SPIC: variants seen among roughly 807,000 people sequenced by gnomAD.
The protein encoded by SPIC is transcription factor Spi-C.
SPIC carries 9 observed loss-of-function variants against 16.7 expected under a neutral mutation model. The observed-to-expected ratio is 0.54, with a 90% CI of 0.33 to 0.94. SPIC has a LOEUF of 0.94. SPIC is among the 40% of genes least tolerant of loss of function. The pLI, the probability that SPIC is intolerant of heterozygous loss-of-function variation, is 0.03. For synonymous variants in SPIC, 97 were observed against 102.9 expected (o/e 0.94, Z 0.35); for missense variants, 241 against 285.8 (o/e 0.84, Z 1.13).
intron 5 of SPIC, among the ~76,000 whole-genome samples, chr12:101,485,570 T>C (rs1318003642): frequency 6.6e-6 from 1 of 152,228 alleles, no homozygotes; most frequent in African/African-American, 2.4e-5. Context: ...AACCCAGAGT[T>C]AGCACTTTTA....
chr12:101,479,282 GAAAAA>G (rs1873096271), intron 3 of SPIC, among the ~76,000 whole-genome samples: 7 of 50,950 alleles, frequency 1.4e-4, no homozygotes, highest in South Asian at 6.8e-4. Flanking sequence ...AAGAAAGAAA[GAAAAA>G]GAAAGAAAGA....
chr12:101,480,259 GGTGT>G (rs1187671520), intron 4 of SPIC, among the ~76,000 whole-genome samples: 2 of 152,206 alleles, frequency 1.3e-5, no homozygotes, highest in Non-Finnish European at 2.9e-5. Context: ...GTAAAAAGGA[GGTGT>G]TTTCAGGATG....
Position 101,479,670 on chromosome 12 carries a change from T to G in SPIC, c.186T>G (p.Pro62=). 2 of 1,613,380 alleles carry G rather than the reference T, an allele frequency of 1.2e-6. No homozygotes were observed. The highest frequency in any genetic ancestry group is 1.7e-6 in the Non-Finnish European group (2 of 1,179,430). ...SCYGVLPTEE[P]VYNWRTVINS... The stretch of plus-strand genomic sequence containing the variant: ...ATGGAGTGTTGCCTACAGAGGAGCC[T>G]GTCTATAATTGGAGAACGGTAATTG... Residue 62 remains proline (P), a synonymous_variant, in exon 4 of 6, where the codon CCT becomes CCG. Coordinates refer to ENST00000551346, the MANE Select transcript of SPIC (RefSeq NM_152323.3).
chr12:101,479,306 AAAAAGAAAGAAAG>A (rs1565831343), intron 3 of SPIC, among the ~76,000 whole-genome samples: 4,310 of 38,356 alleles, frequency 0.11, 249 homozygotes, highest in African/African-American at 0.21. Flanking sequence ...GAAAGAAAGA[AAAAAGAAAGAAAG>A]AAAGAAAGAA....
intron 3 of SPIC, among the ~76,000 whole-genome samples, chr12:101,478,563 A>G (rs10860740): frequency 1.3e-5 from 2 of 151,958 alleles, no homozygotes; most frequent in Admixed American, 6.5e-5. Context: ...GACATTCCAC[A>G]CAGAAATACA....
At chr12:101,482,136 G>T (rs1162041397) in intron 4 of SPIC, among the ~76,000 whole-genome samples, 2 of 150,954 alleles carry the variant, frequency 1.3e-5, no homozygotes, top group African/African-American at 4.9e-5. Flanking sequence ...GGAGGCTGAG[G>T]CAGGAGAATC....
intron 2 of SPIC, 73 bp from the exon 3 acceptor site, chr12:101,477,485 A>G: frequency 7.3e-7 from 1 of 1,377,924 alleles, no homozygotes; most frequent in Non-Finnish European, 1.0e-6. Flanking sequence ...TAGACTAAAT[A>G]CTATTTTAAA....
At position 101,475,546 on chromosome 12, in the gene SPIC, G is replaced by A. The variant is rs139275704; in HGVS notation, c.-78+44G>A. 2.4e-4 allele frequency: 37 copies of A among 152,106 alleles called. No individual in the cohort carries two copies. The East Asian group carries it at 7.0e-3, about 29-fold the overall frequency. 9.4% of individuals were successfully genotyped at this position (152,106 alleles called of 1,614,324 possible). Reference sequence around the variant, plus strand: ...TTTTTCTAAATATCTTCTAATCACTGTTCATTTTTTCCTTTGGCCTAATGA... The same window carrying A: ...TTTTTCTAAATATCTTCTAATCACTATTCATTTTTTCCTTTGGCCTAATGA... On this transcript the variant is annotated intron_variant, in intron 1 of 5. Coordinates refer to ENST00000551346, the MANE Select transcript of SPIC (RefSeq NM_152323.3).
rs1353017349 is a variant in SPIC, at chr12:101,475,388, T to C, written c.-192T>C. ...TTTAAAAAAAATATTACTATTTTTTTTCATCAGAGCCATTGCACTGGAAAA... is the reference window on the plus strand; with the variant it reads ...TTTAAAAAAAATATTACTATTTTTTCTCATCAGAGCCATTGCACTGGAAAA... On this transcript the variant is annotated 5_prime_UTR_variant, in exon 1 of 6. Transcript: ENST00000551346. 1 of 152,196 alleles carries C rather than the reference T, an allele frequency of 6.6e-6. No individual in the cohort carries two copies. Among genetic ancestry groups the C allele is most frequent in the Non-Finnish European group, 1.5e-5 (1 of 68,036 alleles). The allele number at this position is 152,196 out of a possible 1,614,324, so 9.4% of individuals were successfully genotyped here.
chr12:101,485,248 G>A (rs1324275526), intron 5 of SPIC, among the ~76,000 whole-genome samples: 2 of 152,202 alleles, frequency 1.3e-5, no homozygotes, highest in East Asian at 1.9e-4. Flanking sequence ...ATCTGGCAGA[G>A]CACAGTATTT....
chr12:101,478,177 G>A (rs1169217519), intron 3 of SPIC, among the ~76,000 whole-genome samples: 1 of 150,688 alleles, frequency 6.6e-6, no homozygotes, highest in Admixed American at 6.6e-5. Flanking sequence ...GACTACAGGC[G>A]CCCGCCACCA....
chr12:101,479,887 G>GCTCA (rs748393721), intron 4 of SPIC, among the ~76,000 whole-genome samples, 193 bp downstream of exon 4: 14 of 147,734 alleles, frequency 9.5e-5, no homozygotes, highest in Non-Finnish European at 1.6e-4. Context: ...CTCAATCTCA[G>GCTCA]CTCACTGCAA....
chr12:101,481,840 A>G (rs1361621821), intron 4 of SPIC, among the ~76,000 whole-genome samples: 1 of 149,664 alleles, frequency 6.7e-6, no homozygotes, highest in Admixed American at 6.6e-5. Context: ...TTTAGTAGAG[A>G]CGGGGTTTCA....
intron 1 of SPIC, among the ~76,000 whole-genome samples, chr12:101,475,856 C>T (rs1200369468): frequency 6.6e-6 from 1 of 151,850 alleles, no homozygotes; most frequent in Non-Finnish European, 1.5e-5. Context: ...GACCATGAGC[C>T]GAAGAGTGAT....
chr12:101,486,803 T>C lies in SPIC; in HGVS notation c.*32T>C. 1 of 1,458,550 alleles carries C rather than the reference T, an allele frequency of 6.9e-7. No individual in the cohort carries two copies. Among genetic ancestry groups the C allele is most frequent in the Non-Finnish European group, 9.2e-7 (1 of 1,092,176 alleles). 90.4% of individuals were successfully genotyped at this position (1,458,550 alleles called of 1,614,324 possible). ...TTTCATATTTCATGGTTTACTGGCA[T>C]CGGAAATCTCTACAAGTTTTAATGA... On this transcript the variant is annotated 3_prime_UTR_variant, in exon 6 of 6. Transcript: ENST00000551346.
chr12:101,481,284 T>C (rs1378581121), intron 4 of SPIC, among the ~76,000 whole-genome samples: 3 of 152,010 alleles, frequency 2.0e-5, no homozygotes, highest in Non-Finnish European at 4.4e-5. Flanking sequence ...ATTCCTGGGG[T>C]CAAGGGATCC....
chr12:101,479,328 A>AAAGG (rs1873110177), intron 3 of SPIC, among the ~76,000 whole-genome samples: 1 of 147,328 alleles, frequency 6.8e-6, no homozygotes, highest in African/African-American at 2.6e-5. Context: ...AGAAAGAAAG[A>AAAGG]AAGAAAGAAA....
chr12:101,476,719 T>C, intron 1 of SPIC, 109 bp from the exon 2 acceptor site: 2 of 378,206 alleles, frequency 5.3e-6, no homozygotes, highest in East Asian at 4.0e-5. Context: ...CAGGAGGTAC[T>C]CTTGGTTTAT....
In SPIC at chr12:101,480,212, G is replaced by T. The variant is rs78355516; in HGVS notation, c.210+518G>T. On this transcript the variant is annotated intron_variant, in intron 4 of 5. Transcript: ENST00000551346. Reference sequence around the variant, plus strand: ...AGGAAGGAAATAACCCTTCATCATTGCTCTCTACTTAGCCTCAGACTGGTT... The same window carrying T: ...AGGAAGGAAATAACCCTTCATCATTTCTCTCTACTTAGCCTCAGACTGGTT... Among the ~76,000 whole-genome samples, 1,383 of 152,310 alleles carry T rather than the reference G, an allele frequency of 9.1e-3. 8 individuals carry two copies. The highest frequency in any genetic ancestry group is 0.015 in the Non-Finnish European group (1,039 of 68,032).
Sources: gnomAD v4.1 joint callset for allele counts (sites outside exome capture counted in the v4.1 genomes callset) on GRCh38, gnomAD v4.1.1 for gene constraint, MANE v1.5 for transcripts, NCBI Gene and HGNC (gene_info 2026-07-23, HGNC 2026-07-21) for gene names.